The following MEI4 variants were observed in gnomAD, a reference collection of about 807,000 sequenced individuals.
MEI4 encodes the protein meiotic double-stranded break formation protein 4.
In MEI4, 27 loss-of-function variants were observed where a neutral mutation model predicts 31.4. The ratio of observed to expected loss-of-function variants is 0.86; its 90% confidence interval spans 0.63 to 1.19. The LOEUF is 1.19. MEI4 is among the 50% of genes most tolerant of loss of function. The probability of loss-of-function intolerance (pLI) is 0.00; values close to 1 mark genes in which losing one functional copy is unlikely to be tolerated. For synonymous variants in MEI4, 122 were observed against 145.4 expected (o/e 0.84, Z 1.16); for missense variants, 329 against 398.9 (o/e 0.82, Z 1.49).
chr6:77,654,366 A>G (rs910159084), intron 1 of MEI4, among the ~76,000 whole-genome samples: 4 of 151,896 alleles, frequency 2.6e-5, no homozygotes, highest in African/African-American at 4.8e-5. Context: ...GGAATGGAAT[A>G]TTTGATGGAA....
intron 3 of MEI4, among the ~76,000 whole-genome samples, chr6:77,775,729 G>C (rs149037056): frequency 1.3e-4 from 20 of 152,198 alleles, no homozygotes; most frequent in African/African-American, 4.3e-4. Flanking sequence ...AGGATTGCTG[G>C]ATCAAATGGT....
At chr6:77,788,715 C>A (rs1283884350) in intron 3 of MEI4, among the ~76,000 whole-genome samples, 2 of 152,076 alleles carry the variant, frequency 1.3e-5, no homozygotes, top group African/African-American at 4.8e-5. Flanking sequence ...AAGACCTCTT[C>A]AAGGAGAACT....
intron 1 of MEI4, among the ~76,000 whole-genome samples, chr6:77,686,603 G>A (rs1186682444): frequency 6.6e-6 from 1 of 152,016 alleles, no homozygotes; most frequent in African/African-American, 2.4e-5. Flanking sequence ...TGAGTTATAT[G>A]ATATATCACA....
chr6:77,836,155 G>T (rs1177749006), intron 4 of MEI4, among the ~76,000 whole-genome samples: 1 of 151,942 alleles, frequency 6.6e-6, no homozygotes, highest in Non-Finnish European at 1.5e-5. Flanking sequence ...CATCTCTTTA[G>T]GTGTCAGACA....
intron 4 of MEI4, among the ~76,000 whole-genome samples, chr6:77,877,962 G>T (rs1210917434): frequency 6.6e-6 from 1 of 152,048 alleles, no homozygotes; most frequent in African/African-American, 2.4e-5. Flanking sequence ...GTCATAATGA[G>T]TTGAACCTGA....
At chr6:77,668,829 G>A (rs16889295) in intron 1 of MEI4, among the ~76,000 whole-genome samples, 12,573 of 152,208 alleles carry the variant, frequency 0.083, 713 homozygotes, top group East Asian at 0.22. Flanking sequence ...AACTTTCTAA[G>A]AGCAATGAGC....
chr6:77,767,692 G>GTC (rs1319506725), intron 3 of MEI4, among the ~76,000 whole-genome samples: 5 of 109,730 alleles, frequency 4.6e-5, no homozygotes, highest in Admixed American at 9.6e-5. Flanking sequence ...GCAGGAAACT[G>GTC]TCACACACAC....
chr6:77,768,575 C>T (rs1235356412), intron 3 of MEI4, among the ~76,000 whole-genome samples: 1 of 151,934 alleles, frequency 6.6e-6, no homozygotes, highest in East Asian at 1.9e-4. Flanking sequence ...TGGCATGCAC[C>T]TGTAGTCCCA....
intron 3 of MEI4, among the ~76,000 whole-genome samples, chr6:77,795,445 A>G (rs1044486754): frequency 6.6e-6 from 1 of 152,098 alleles, no homozygotes; most frequent in Non-Finnish European, 1.5e-5. Flanking sequence ...CCTAGCTTAA[A>G]TCACACACAC....
At chr6:77,773,360 A>T (rs1275506675) in intron 3 of MEI4, among the ~76,000 whole-genome samples, 1 of 152,014 alleles carries the variant, frequency 6.6e-6, no homozygotes, top group East Asian at 1.9e-4. Context: ...AACAAAATAG[A>T]GAACCCAGAA....
rs563311001 is a variant in MEI4 at position 77,731,198 on chromosome 6, G to A, written c.233-29932G>A. Among the ~76,000 whole-genome samples the A allele has an allele frequency of 4.0e-4, 60 of 150,302 alleles. 1 individual carries two copies. The highest frequency in any genetic ancestry group is 1.0e-3 in the African/African-American group (41 of 40,652). ...TCTAGTTCTAGATCCCTGAGGAATC[G>A]CCACACTGACTTCCACAATGGTTGA... On this transcript the variant is annotated intron_variant, in intron 2 of 4. Transcript: ENST00000684080.
chr6:77,698,409 T>C (rs548994587), intron 2 of MEI4, among the ~76,000 whole-genome samples: 3 of 152,172 alleles, frequency 2.0e-5, no homozygotes, highest in East Asian at 1.9e-4. Context: ...CTGGTACCGG[T>C]TGTTCCTTTC....
chr6:77,904,166 G>A (rs541193033), intron 4 of MEI4, among the ~76,000 whole-genome samples: 2 of 151,916 alleles, frequency 1.3e-5, no homozygotes, highest in African/African-American at 4.8e-5. Context: ...TTTCCCTAGT[G>A]TTATGCTTTG....
At chr6:77,737,387 T>A (rs58970597) in intron 2 of MEI4, among the ~76,000 whole-genome samples, 3,451 of 152,190 alleles carry the variant, frequency 0.023, 132 homozygotes, top group African/African-American at 0.078. Context: ...CTGGTATTTT[T>A]AAAAGATTTT....
chr6:77,867,726 C>CTGCTAT (rs1406228278), intron 4 of MEI4, among the ~76,000 whole-genome samples: 8 of 145,912 alleles, frequency 5.5e-5, no homozygotes, highest in East Asian at 4.1e-4. Flanking sequence ...GGTATATACC[C>CTGCTAT]AAAGGATTAT....
At chr6:77,743,438 A>G (rs570054590) in intron 2 of MEI4, among the ~76,000 whole-genome samples, 3 of 152,146 alleles carry the variant, frequency 2.0e-5, no homozygotes, top group Admixed American at 6.5e-5. Flanking sequence ...TTATTGGTGT[A>G]TAAGAATGCT....
intron 1 of MEI4, among the ~76,000 whole-genome samples, chr6:77,663,787 G>A (rs1288579421): frequency 4.6e-5 from 7 of 152,150 alleles, no homozygotes; most frequent in Non-Finnish European, 8.8e-5. Flanking sequence ...ATGGTCTAGG[G>A]GGCTTCCGAG....
intron 3 of MEI4, among the ~76,000 whole-genome samples, chr6:77,813,360 GCAAGCATAGA>G (rs1769617937): frequency 6.6e-6 from 1 of 152,020 alleles, no homozygotes; most frequent in Non-Finnish European, 1.5e-5. Context: ...TTTCCAATAT[GCAAGCATAGA>G]TTAACACATA....
At chr6:77,668,832 C>G (rs1488264498) in intron 1 of MEI4, among the ~76,000 whole-genome samples, 3 of 152,160 alleles carry the variant, frequency 2.0e-5, no homozygotes, top group Non-Finnish European at 2.9e-5. Flanking sequence ...TTTCTAAGAG[C>G]AATGAGCATC....
Sources: gnomAD v4.1 joint callset for allele counts (sites outside exome capture counted in the v4.1 genomes callset) on GRCh38, gnomAD v4.1.1 for gene constraint, MANE v1.5 for transcripts, NCBI Gene and HGNC (gene_info 2026-07-23, HGNC 2026-07-21) for gene names.